Variants in SLC2A1 observed in about 807,000 individuals in gnomAD.
The protein encoded by SLC2A1 is solute carrier family 2, facilitated glucose transporter member 1.
Under a neutral mutation model 46.6 loss-of-function variants are expected in SLC2A1, and 4 were observed. That is an observed-to-expected ratio of 0.09 (90% CI 0.04 to 0.20). SLC2A1 has a LOEUF of 0.20. Ranked by LOEUF, SLC2A1 falls within the 10% of genes least tolerant of loss-of-function variation. The probability of loss-of-function intolerance (pLI) is 1.00; values close to 1 mark genes in which losing one functional copy is unlikely to be tolerated. For missense variants in SLC2A1, 352 were observed against 667.0 expected (o/e 0.53, Z 5.20); for synonymous variants, 253 against 270.0 (o/e 0.94, Z 0.62).
intron 2 of SLC2A1, among the ~76,000 whole-genome samples, chr1:42,940,656 C>T (rs900808173): frequency 3.3e-5 from 5 of 152,072 alleles, no homozygotes; most frequent in African/African-American, 4.8e-5. Context: ...ATGTGTTGCT[C>T]AGGCTGGTCT....
chr1:42,949,313 G>A (rs1427411983), intron 1 of SLC2A1, among the ~76,000 whole-genome samples: 3 of 152,184 alleles, frequency 2.0e-5, no homozygotes, highest in African/African-American at 7.2e-5. Flanking sequence ...ATTGCAGACT[G>A]CTGTAACATC....
Position 42,929,554 on chromosome 1 carries a change from C to A in SLC2A1, c.867+39G>T. ...TCACCATGCACACTTGACCAGAGGG[C>A]TTGGCTGGGGCACAGGAAGGGTGGG... On this transcript the variant is annotated intron_variant, in intron 6 of 9. Transcript: ENST00000426263. This position sits in a 1 kb window ranked among gnomAD's most constrained non-coding sequence, Gnocchi z 6.0. 1.3e-6 allele frequency: 2 copies of A among 1,576,350 alleles called. No homozygotes were observed. Among genetic ancestry groups the A allele is most frequent in the South Asian group, 1.1e-5 (1 of 88,838 alleles).
intron 3 of SLC2A1, 45 bp downstream of exon 3, chr1:42,931,001 G>A (rs1475471718): frequency 1.2e-6 from 2 of 1,612,802 alleles, no homozygotes; most frequent in South Asian, 2.2e-5. Flanking sequence ...CTGGGCAGGA[G>A]GGCATGGGCC....
At position 42,943,237 on chromosome 1, in the gene SLC2A1, C is replaced by A. The variant is rs796053245; in HGVS notation, c.103G>T (p.Ala35Ser). The change falls in exon 2 of 10, where the codon GCC (alanine) becomes TCC (serine). Residue 35 changes from alanine to serine, a missense_variant. By Grantham distance (99) the Ala-to-Ser change is moderately conservative. Around this residue, in one of 5 missense-constraint regions of SLC2A1, gnomAD observed 97 missense variants for 175.6 expected, o/e 0.55. Transcript: ENST00000426263. ...GGCACAGTACTCACCTTCTGGGGGG[C>A]ATTGATGACTCCAGTGTTGTAGCCA... ...QFGYNTGVIN[A>S]PQKVIEEFYN... 1.6e-5 allele frequency: 26 copies of A among 1,611,658 alleles called. No individual in the cohort carries two copies. Among genetic ancestry groups the A allele is most frequent in the Non-Finnish European group, 2.0e-5 (24 of 1,178,112 alleles).
At chr1:42,933,466 C>G (rs541738194) in intron 2 of SLC2A1, among the ~76,000 whole-genome samples, 1 of 152,174 alleles carries the variant, frequency 6.6e-6, no homozygotes, top group Non-Finnish European at 1.5e-5. Context: ...ATGGTCTGTC[C>G]CAGAGCCAGT....
intron 2 of SLC2A1, among the ~76,000 whole-genome samples, chr1:42,939,495 CAT>C (rs1312709542): frequency 6.6e-6 from 1 of 152,234 alleles, no homozygotes; most frequent in Non-Finnish European, 1.5e-5. Flanking sequence ...TTTACAGGCT[CAT>C]CTGGGCCCTC....
At chr1:42,955,973 C>T (rs1238766818) in intron 1 of SLC2A1, among the ~76,000 whole-genome samples, 2 of 152,238 alleles carry the variant, frequency 1.3e-5, no homozygotes, top group East Asian at 3.9e-4. Flanking sequence ...ATAGCAGAAC[C>T]AAGGCTTTGG....
intron 1 of SLC2A1, among the ~76,000 whole-genome samples, chr1:42,957,855 C>G (rs1340857866): frequency 1.3e-5 from 2 of 152,306 alleles, no homozygotes; most frequent in African/African-American, 4.8e-5. Context: ...GCCCCCAGAT[C>G]CCCCGCCCCT....
intron 1 of SLC2A1, among the ~76,000 whole-genome samples, chr1:42,956,945 CA>C (rs148484209): frequency 0.01 from 1,570 of 152,332 alleles, 22 homozygotes; most frequent in African/African-American, 0.036. Context: ...GAGTAACCAG[CA>C]GGGCTATAAG....
intron 1 of SLC2A1, among the ~76,000 whole-genome samples, chr1:42,956,949 G>A (rs1361475741): frequency 6.6e-6 from 1 of 152,208 alleles, no homozygotes; most frequent in East Asian, 1.9e-4. Flanking sequence ...AACCAGCAGG[G>A]CTATAAGGTC....
intron 2 of SLC2A1, chr1:42,942,921 T>A: frequency 2.3e-6 from 1 of 441,192 alleles, no homozygotes; most frequent in South Asian, 2.1e-5. Context: ...GAGCTTTGCT[T>A]TGAGTTTATT....
Position 42,927,873 on chromosome 1 carries a change from G to T in SLC2A1, c.1075-65C>A, listed in dbSNP as rs1643444735. On this transcript the variant is annotated intron_variant, in intron 8 of 9. Transcript: ENST00000426263. This position sits in a 1 kb window ranked among gnomAD's most constrained non-coding sequence, Gnocchi z 5.3. ...TTGTGATGGATCCTCAGGGGAAACA[G>T]AAGCTACAGAGGCCAGAGCAGAGCT... The T allele has an allele frequency of 7.9e-7, 1 of 1,263,502 alleles. No homozygotes were observed. The highest frequency in any genetic ancestry group is 1.1e-6 in the Non-Finnish European group (1 of 885,606). 78.3% of individuals were successfully genotyped at this position (1,263,502 alleles called of 1,614,324 possible).
At chr1:42,939,162 A>C (rs1643572033) in intron 2 of SLC2A1, among the ~76,000 whole-genome samples, 1 of 152,276 alleles carries the variant, frequency 6.6e-6, no homozygotes, top group African/African-American at 2.4e-5. Flanking sequence ...ACGCGGGCAC[A>C]GGAGTCTCTC....
chr1:42,941,229 T>A (rs1050486973), intron 2 of SLC2A1, among the ~76,000 whole-genome samples: 4 of 152,172 alleles, frequency 2.6e-5, no homozygotes, highest in African/African-American at 9.7e-5. Flanking sequence ...GTCCCTATTG[T>A]CCTCATCCTG....
chr1:42,953,042 T>C (rs1446887633), intron 1 of SLC2A1, among the ~76,000 whole-genome samples: 19 of 152,180 alleles, frequency 1.2e-4, no homozygotes, highest in Admixed American at 1.2e-3. Flanking sequence ...GGTCCAATGG[T>C]AGAGCTGTTT....
intron 2 of SLC2A1, among the ~76,000 whole-genome samples, chr1:42,932,998 C>G (rs1476306992): frequency 1.3e-5 from 2 of 152,216 alleles, no homozygotes; most frequent in Non-Finnish European, 2.9e-5. Context: ...CTGGACACAA[C>G]TAAATTCAGG....
At chr1:42,958,542 G>GCGGGGCGGCGGGGGAGGCC (rs2124478559) in intron 1 of SLC2A1, 92 bp downstream of exon 1, 1 of 1,118,850 alleles carries the variant, frequency 8.9e-7, no homozygotes, top group East Asian at 3.4e-5. Context: ...GCACAGCGCA[G>GCGGGGCGGCGGGGGAGGCC]CGGGGCGGCG....
Position 42,950,504 on chromosome 1 carries a change from G to A in SLC2A1, c.19-7183C>T, listed in dbSNP as rs1269744179. Among the ~76,000 whole-genome samples the A allele has an allele frequency of 4.6e-5, 7 of 152,322 alleles. No homozygotes were observed. In the East Asian group the frequency reaches 1.4e-3, roughly 29 times the overall value. Reference sequence around the variant, plus strand: ...TTGGCCATGTGTGGGTGTGGGGCCAGGATCTGGACCCTGGGGAAACTGACA... The same window carrying A: ...TTGGCCATGTGTGGGTGTGGGGCCAAGATCTGGACCCTGGGGAAACTGACA... On this transcript the variant is annotated intron_variant, in intron 1 of 9. Transcript: ENST00000426263.
intron 2 of SLC2A1, among the ~76,000 whole-genome samples, chr1:42,934,575 A>G (rs113820503): frequency 6.6e-6 from 1 of 152,096 alleles, no homozygotes; most frequent in African/African-American, 2.4e-5. Context: ...AGAACCCTAC[A>G]TGGGGAAAAG....
Sources: allele counts gnomAD v4.1 joint callset (sites outside exome capture counted in the v4.1 genomes callset), GRCh38; gene constraint gnomAD v4.1.1; regional missense constraint gnomAD v4.1.1; non-coding constraint Gnocchi (gnomAD v3.1); transcripts MANE v1.5; gene names NCBI Gene and HGNC (gene_info 2026-07-23, HGNC 2026-07-21).